The following PAQR5 variants were observed in gnomAD, a reference collection of about 807,000 sequenced individuals.
PAQR5 encodes progestin and adipoQ receptor family member 5.
A neutral mutation model predicts 34.5 loss-of-function variants in PAQR5; 20 were observed. The observed-to-expected ratio is 0.58, with a 90% CI of 0.41 to 0.84. The LOEUF (loss-of-function observed/expected upper bound fraction) is 0.84. PAQR5 is among the 40% of genes least tolerant of loss of function. PAQR5 has a pLI of 0.00. For missense variants in PAQR5, 378 were observed against 412.7 expected (o/e 0.92, Z 0.73); for synonymous variants, 131 against 155.6 (o/e 0.84, Z 1.18).
At chr15:69,325,870 T>A (rs1318108818) in intron 1 of PAQR5, among the ~76,000 whole-genome samples, 5 of 152,124 alleles carry the variant, frequency 3.3e-5, no homozygotes, top group Non-Finnish European at 7.4e-5. Flanking sequence ...ACGCTTATCA[T>A]CACCTCTACC....
At chr15:69,324,274 G>A (rs1194096576) in intron 1 of PAQR5, among the ~76,000 whole-genome samples, 1 of 152,192 alleles carries the variant, frequency 6.6e-6, no homozygotes, top group Non-Finnish European at 1.5e-5. Context: ...GTGGGTCAGA[G>A]CTGGAGGAGA....
At chr15:69,354,062 T>G (rs1048217317) in intron 2 of PAQR5, among the ~76,000 whole-genome samples, 1 of 152,198 alleles carries the variant, frequency 6.6e-6, no homozygotes, top group African/African-American at 2.4e-5. Context: ...AGAATTATCC[T>G]GCTCTGTGAT....
chr15:69,335,750 T>C (rs1007312647), intron 1 of PAQR5, among the ~76,000 whole-genome samples: 1 of 151,970 alleles, frequency 6.6e-6, no homozygotes, highest in Non-Finnish European at 1.5e-5. Flanking sequence ...GGCCAGAATC[T>C]GGGTCTGTGT....
chr15:69,369,820 A>C (rs935124539), intron 3 of PAQR5, among the ~76,000 whole-genome samples: 1 of 149,468 alleles, frequency 6.7e-6, no homozygotes, highest in Non-Finnish European at 1.5e-5. Flanking sequence ...ACACTCACTT[A>C]TCTTTAGACT....
At chr15:69,393,716 T>C (rs1341742344) in intron 6 of PAQR5, among the ~76,000 whole-genome samples, 3 of 152,218 alleles carry the variant, frequency 2.0e-5, no homozygotes, top group Non-Finnish European at 4.4e-5. Flanking sequence ...ACCTCAGTAT[T>C]TGCTTGACAG....
chr15:69,355,749 C>A (rs1272769662), intron 2 of PAQR5, among the ~76,000 whole-genome samples: 1 of 152,008 alleles, frequency 6.6e-6, no homozygotes, highest in Non-Finnish European at 1.5e-5. Flanking sequence ...ATTTTTTATA[C>A]ATTTCTTGGA....
chr15:69,299,234 C>T (rs2140486051), intron 1 of PAQR5, among the ~76,000 whole-genome samples, 178 bp downstream of exon 1: 1 of 152,226 alleles, frequency 6.6e-6, no homozygotes, highest in South Asian at 2.1e-4. Flanking sequence ...CCGGCGGCGG[C>T]GCGGCTCGGC....
At chr15:69,346,216 A>G (rs909573152) in intron 2 of PAQR5, among the ~76,000 whole-genome samples, 2 of 152,106 alleles carry the variant, frequency 1.3e-5, no homozygotes, top group South Asian at 4.1e-4. Flanking sequence ...TTTATGCTCA[A>G]TCATAACTGA....
At position 69,300,572 on chromosome 15, in the gene PAQR5, T is replaced by C. The variant is rs145302814; in HGVS notation, c.-277+1516T>C. Among the ~76,000 whole-genome samples, 279 of 82,972 alleles carry C rather than the reference T, an allele frequency of 3.4e-3. 1 individual carries two copies. The highest frequency in any genetic ancestry group is 0.01 in the African/African-American group (274 of 27,202). 54.4% of individuals were successfully genotyped at this position (82,972 alleles called of 152,430 possible). A position where few individuals can be genotyped will look rare whatever the true frequency, so the allele number is the denominator to read the frequency against. ...AATCCCGTATGCTTTTCTTTCTTTC[T>C]CTTTCTTTCTTTCTTTCCTTCTTTC... On this transcript the variant is annotated intron_variant, in intron 1 of 8. Coordinates refer to ENST00000395407, the MANE Select transcript of PAQR5 (RefSeq NM_017705.4).
At chr15:69,355,332 CTTTCTTT>C (rs2055038503) in intron 2 of PAQR5, among the ~76,000 whole-genome samples, 1 of 28,706 alleles carries the variant, frequency 3.5e-5, no homozygotes, top group African/African-American at 1.6e-4. Context: ...TTCTTTCTTT[CTTTCTTT>C]CTTTTTTTCT....
intron 1 of PAQR5, among the ~76,000 whole-genome samples, chr15:69,321,205 G>A (rs1227345487): frequency 6.6e-6 from 1 of 152,178 alleles, no homozygotes; most frequent in Non-Finnish European, 1.5e-5. Context: ...TTTGTCTATA[G>A]GCATGCAACA....
chr15:69,367,788 G>A (rs1008963402), intron 3 of PAQR5, among the ~76,000 whole-genome samples: 10 of 152,198 alleles, frequency 6.6e-5, no homozygotes, highest in Admixed American at 5.2e-4. Flanking sequence ...TGAAGGAGGC[G>A]GGATTGTGCA....
chr15:69,326,504 T>A (rs1304648569), intron 1 of PAQR5, among the ~76,000 whole-genome samples: 5 of 151,836 alleles, frequency 3.3e-5, no homozygotes, highest in Admixed American at 6.6e-5. Context: ...GGCATAATCT[T>A]GGCTCACTGC....
At chr15:69,301,859 A>T (rs1595821675) in intron 1 of PAQR5, among the ~76,000 whole-genome samples, 5 of 98,870 alleles carry the variant, frequency 5.1e-5, no homozygotes, top group African/African-American at 2.3e-4. Flanking sequence ...ATGGGGGGAG[A>T]TTTTTTTTTT....
At chr15:69,383,664 GC>G (rs1367438319) in intron 4 of PAQR5, among the ~76,000 whole-genome samples, 3 of 114,426 alleles carry the variant, frequency 2.6e-5, no homozygotes, top group African/African-American at 3.5e-5. Flanking sequence ...GGGTGAGCGG[GC>G]CCTCTGTATT....
intron 2 of PAQR5, among the ~76,000 whole-genome samples, chr15:69,349,663 C>T (rs983707065): frequency 4.7e-5 from 7 of 150,510 alleles, no homozygotes; most frequent in African/African-American, 7.4e-5. Context: ...TTTTTTGAGA[C>T]GGAGTTTCAC....
intron 4 of PAQR5, chr15:69,380,288 G>C (rs998748947): frequency 2.9e-6 from 1 of 347,536 alleles, no homozygotes; most frequent in Non-Finnish European, 5.3e-6. Flanking sequence ...TGATATGATA[G>C]CATTTACCTT....
intron 2 of PAQR5, among the ~76,000 whole-genome samples, chr15:69,359,056 C>G (rs1489499412): frequency 1.3e-5 from 2 of 152,168 alleles, no homozygotes; most frequent in Non-Finnish European, 2.9e-5. Context: ...ACAGTGCCAG[C>G]AGATTCCCCG....
chr15:69,396,220 A>T (rs956898367), intron 6 of PAQR5, among the ~76,000 whole-genome samples: 1 of 148,894 alleles, frequency 6.7e-6, no homozygotes, highest in Non-Finnish European at 1.5e-5. Flanking sequence ...CTCATACGAG[A>T]TATGAACAGC....
Sources: allele counts gnomAD v4.1 joint callset (sites outside exome capture counted in the v4.1 genomes callset), GRCh38; gene constraint gnomAD v4.1.1; transcripts MANE v1.5; gene names NCBI Gene and HGNC (gene_info 2026-07-23, HGNC 2026-07-21).